Variants in TLE1 observed in about 807,000 individuals in gnomAD.
TLE1 encodes the protein TLE family member 1, transcriptional corepressor.
A neutral mutation model predicts 89.8 loss-of-function variants in TLE1; 21 were observed. That is an observed-to-expected ratio of 0.23 (90% CI 0.17 to 0.34). TLE1 has a LOEUF of 0.34. Among genes scored for constraint, TLE1 ranks in the 10% least tolerant of loss-of-function variants. The pLI, the probability that TLE1 is intolerant of heterozygous loss-of-function variation, is 1.00. For synonymous variants in TLE1, 447 were observed against 407.6 expected (o/e 1.10, Z -1.16); for missense variants, 795 against 1,031.2 (o/e 0.77, Z 3.14).
intron 14 of TLE1, among the ~76,000 whole-genome samples, chr9:81,606,579 A>G (rs1295234117): frequency 6.6e-6 from 1 of 152,154 alleles, no homozygotes; most frequent in Non-Finnish European, 1.5e-5. Context: ...CTGAACAATG[A>G]GAACACTTGG....
chr9:81,670,142 A>T (rs1482716921), intron 4 of TLE1, among the ~76,000 whole-genome samples: 1 of 152,210 alleles, frequency 6.6e-6, no homozygotes, highest in Non-Finnish European at 1.5e-5. Context: ...CTAGAATTGT[A>T]ACAGCCAATC....
In TLE1 at chr9:81,656,888, G is replaced by T. The variant is rs1047018810; in HGVS notation, c.235-2852C>A. Among the ~76,000 whole-genome samples the T allele has an allele frequency of 5.9e-5, 9 of 152,200 alleles. No homozygotes were observed. In the South Asian group the frequency reaches 1.5e-3, roughly 25 times the overall value. ...GAATCCCTAGATGTGAAACTGCTGGGTCAAAGTGTATGCATATTTTAAGTT... is the reference window on the plus strand; with the variant it reads ...GAATCCCTAGATGTGAAACTGCTGGTTCAAAGTGTATGCATATTTTAAGTT... On this transcript the variant is annotated intron_variant, in intron 4 of 19. Coordinates refer to ENST00000376499, the MANE Select transcript of TLE1 (RefSeq NM_005077.5).
intron 6 of TLE1, among the ~76,000 whole-genome samples, chr9:81,639,577 TTTTTTTTTTTG>T (rs1564009906): frequency 7.1e-6 from 1 of 140,168 alleles, no homozygotes; most frequent in Non-Finnish European, 1.6e-5. Flanking sequence ...TAAAAGTTGT[TTTTTTTTTTTG>T]TTTTTTTTTT....
intron 4 of TLE1, among the ~76,000 whole-genome samples, chr9:81,660,976 C>CACACAT (rs902002045): frequency 1.6e-4 from 17 of 105,218 alleles, no homozygotes; most frequent in Non-Finnish European, 3.4e-4. Flanking sequence ...CACACACACA[C>CACACAT]ACATTTAGCC....
At chr9:81,626,626 AACT>A (rs1309518854) in intron 8 of TLE1, among the ~76,000 whole-genome samples, 1 of 152,144 alleles carries the variant, frequency 6.6e-6, no homozygotes, top group Non-Finnish European at 1.5e-5. Context: ...TTTAAATGCA[AACT>A]ATGGGAAAGA....
At chr9:81,671,500 C>A (rs955895730) in intron 4 of TLE1, among the ~76,000 whole-genome samples, 11 of 152,044 alleles carry the variant, frequency 7.2e-5, no homozygotes, top group Non-Finnish European at 1.3e-4. Flanking sequence ...CAAAAATTAG[C>A]AGGGCGTGGT....
intron 7 of TLE1, 71 bp downstream of exon 7, chr9:81,634,026 G>A (rs988220677): frequency 3.6e-5 from 54 of 1,492,104 alleles, no homozygotes; most frequent in African/African-American, 8.3e-5. Flanking sequence ...TCTCTTTAGC[G>A]ATGCACACAA....
intron 12 of TLE1, among the ~76,000 whole-genome samples, chr9:81,612,754 G>T (rs1301121290): frequency 6.6e-6 from 1 of 152,144 alleles, no homozygotes; most frequent in Non-Finnish European, 1.5e-5. Context: ...CCTAGGATTT[G>T]AATTATTTAA....
At chr9:81,664,149 A>G (rs1831170882) in intron 4 of TLE1, among the ~76,000 whole-genome samples, 1 of 151,938 alleles carries the variant, frequency 6.6e-6, no homozygotes, top group African/African-American at 2.4e-5. Context: ...GGAGCCAGGC[A>G]TGGTGGCTCA....
chr9:81,688,162 G>A (rs1255320332), intron 1 of TLE1, 55 bp downstream of exon 1: 98 of 1,597,906 alleles, frequency 6.1e-5, no homozygotes, highest in Non-Finnish European at 7.6e-5. Flanking sequence ...TACCGCCCGG[G>A]AGAAGCGCCT....
At chr9:81,648,013 T>C (rs1298433931) in intron 6 of TLE1, among the ~76,000 whole-genome samples, 1 of 152,174 alleles carries the variant, frequency 6.6e-6, no homozygotes, top group Non-Finnish European at 1.5e-5. Flanking sequence ...GGCTTACACC[T>C]GTAATCCCAA....
chr9:81,682,501 CT>C (rs1199188270), intron 4 of TLE1, among the ~76,000 whole-genome samples: 1 of 152,180 alleles, frequency 6.6e-6, no homozygotes, highest in Non-Finnish European at 1.5e-5. Context: ...TATAGCATGG[CT>C]TCATCAGCAT....
Position 81,689,252 on chromosome 9 carries a change from G to A in TLE1, c.-1012C>T, listed in dbSNP as rs1477813323. The A allele has an allele frequency of 2.0e-5, 3 of 152,396 alleles. No homozygotes were observed. The highest frequency in any genetic ancestry group is 1.9e-4 in the East Asian group (1 of 5,184). 9.4% of individuals were successfully genotyped at this position (152,396 alleles called of 1,614,324 possible). Reference sequence around the variant, plus strand: ...GAGGGACGACATCCACGAGATGGTGGGGAAAACAGCAGGAGTGCGCTCCGC... The same window carrying A: ...GAGGGACGACATCCACGAGATGGTGAGGAAAACAGCAGGAGTGCGCTCCGC... On this transcript the variant is annotated 5_prime_UTR_variant, in exon 1 of 20. Coordinates refer to ENST00000376499, the MANE Select transcript of TLE1 (RefSeq NM_005077.5).
intron 6 of TLE1, among the ~76,000 whole-genome samples, chr9:81,640,877 T>A (rs28515767): frequency 0.032 from 4,940 of 152,266 alleles, 287 homozygotes; most frequent in African/African-American, 0.11. Flanking sequence ...CACCTTCTCC[T>A]GACCGGAAAC....
intron 8 of TLE1, among the ~76,000 whole-genome samples, chr9:81,626,223 T>C (rs1201292457): frequency 1.3e-5 from 2 of 152,244 alleles, no homozygotes; most frequent in African/African-American, 2.4e-5. Flanking sequence ...GAGGTACAGA[T>C]TGGAAACTCG....
intron 8 of TLE1, among the ~76,000 whole-genome samples, chr9:81,622,520 A>G (rs1424157267): frequency 6.6e-6 from 1 of 152,226 alleles, no homozygotes; most frequent in East Asian, 1.9e-4. Flanking sequence ...GTTAGAAACA[A>G]TACAATTTCT....
rs1022698664 is a variant in TLE1, at chr9:81,668,170, A to G, written c.235-14134T>C. On this transcript the variant is annotated intron_variant, in intron 4 of 19. Transcript: ENST00000376499. ...GCGACAGAACAAGACTGCATCTCGAAAAAAAAAAAAAGAAGGATATGTAAA... is the reference window on the plus strand; with the variant it reads ...GCGACAGAACAAGACTGCATCTCGAGAAAAAAAAAAAGAAGGATATGTAAA... Among the ~76,000 whole-genome samples the G allele has an allele frequency of 1.6e-3, 6 of 3,866 alleles. No homozygotes were observed. The African/African-American group carries it at 0.048, about 31-fold the overall frequency. 2.5% of individuals were successfully genotyped at this position (3,866 alleles called of 152,430 possible).
intron 6 of TLE1, among the ~76,000 whole-genome samples, chr9:81,634,854 G>C (rs905409026): frequency 1.3e-5 from 2 of 152,104 alleles, no homozygotes; most frequent in African/African-American, 4.8e-5. Flanking sequence ...ACTTACCACA[G>C]TAGTATGATG....
intron 4 of TLE1, among the ~76,000 whole-genome samples, chr9:81,663,132 C>T (rs1052480533): frequency 6.6e-6 from 1 of 152,130 alleles, no homozygotes; most frequent in African/African-American, 2.4e-5. Context: ...AGGCACAAGC[C>T]ATTGCACCTG....
Sources: allele counts gnomAD v4.1 joint callset (sites outside exome capture counted in the v4.1 genomes callset), GRCh38; gene constraint gnomAD v4.1.1; transcripts MANE v1.5; gene names NCBI Gene and HGNC (gene_info 2026-07-23, HGNC 2026-07-21).